MARCHF4: variants seen among roughly 807,000 people sequenced by gnomAD.
MARCHF4 encodes the protein E3 ubiquitin-protein ligase MARCHF4.
Under a neutral mutation model 43.9 loss-of-function variants are expected in MARCHF4, and 14 were observed. The observed-to-expected ratio is 0.32, with a 90% CI of 0.21 to 0.50. The LOEUF (loss-of-function observed/expected upper bound fraction) is 0.50. Ranked by LOEUF, MARCHF4 falls within the 20% of genes least tolerant of loss-of-function variation. The pLI is 0.98. For synonymous variants in MARCHF4, 226 were observed against 213.3 expected (o/e 1.06, Z -0.52); for missense variants, 468 against 536.7 (o/e 0.87, Z 1.27).
At chr2:216,272,410 G>C (rs1690953635) in intron 3 of MARCHF4, among the ~76,000 whole-genome samples, 1 of 152,152 alleles carries the variant, frequency 6.6e-6, no homozygotes, top group African/African-American at 2.4e-5. Context: ...ATTTCTGATT[G>C]TTACCAGCAG....
At chr2:216,344,558 C>T (rs1394241744) in intron 1 of MARCHF4, among the ~76,000 whole-genome samples, 1 of 152,074 alleles carries the variant, frequency 6.6e-6, no homozygotes, top group Non-Finnish European at 1.5e-5. Flanking sequence ...ATTGAGAATA[C>T]TTAATGTTCA....
intron 1 of MARCHF4, among the ~76,000 whole-genome samples, chr2:216,310,656 C>T (rs907277128): frequency 1.3e-5 from 2 of 152,216 alleles, no homozygotes; most frequent in Non-Finnish European, 2.9e-5. Flanking sequence ...TTGCTCTCTG[C>T]TGCATGATAA....
intron 2 of MARCHF4, among the ~76,000 whole-genome samples, chr2:216,282,472 C>G (rs1432439864): frequency 6.6e-6 from 1 of 152,174 alleles, no homozygotes; most frequent in South Asian, 2.1e-4. Context: ...AGGACTCCCC[C>G]CTCCACCACC....
intron 1 of MARCHF4, among the ~76,000 whole-genome samples, chr2:216,355,236 C>T (rs1235239985): frequency 2.6e-5 from 4 of 151,904 alleles, no homozygotes; most frequent in Admixed American, 1.3e-4. Flanking sequence ...CCTCCCAAAG[C>T]GCTGGGATTA....
At chr2:216,343,904 A>G (rs540576584) in intron 1 of MARCHF4, among the ~76,000 whole-genome samples, 6 of 152,332 alleles carry the variant, frequency 3.9e-5, no homozygotes, top group Non-Finnish European at 7.3e-5. Context: ...TGTAACTGCA[A>G]TTGAGGCAGG....
chr2:216,265,883 T>C (rs938522202), intron 3 of MARCHF4: 1 of 152,282 alleles, frequency 6.6e-6, no homozygotes, highest in Non-Finnish European at 1.5e-5. Flanking sequence ...ACTGGCTTAG[T>C]AGCTCTGGGC....
intron 1 of MARCHF4, among the ~76,000 whole-genome samples, chr2:216,286,161 T>G (rs767607798): frequency 2.0e-5 from 3 of 152,184 alleles, no homozygotes; most frequent in Admixed American, 2.0e-4. Flanking sequence ...CTGCTTCCCC[T>G]CCAGCGAACC....
At position 216,258,238 on chromosome 2, in the gene MARCHF4, T is replaced by G. The variant is rs140709920; in HGVS notation, c.*1074A>C. The stretch of plus-strand genomic sequence containing the variant: ...AGCAAGGAATACTTAGATTGGGCTC[T>G]ACTCCACTCCTTGGGGCACACTGGT... On this transcript the variant is annotated 3_prime_UTR_variant, in exon 4 of 4. Transcript: ENST00000273067. 1.3e-5 allele frequency: 2 copies of G among 152,354 alleles called. No individual in the cohort carries two copies. The highest frequency in any genetic ancestry group is 2.9e-5 in the Non-Finnish European group (2 of 68,198). The allele number at this position is 152,354 out of a possible 1,614,324, so 9.4% of individuals were successfully genotyped here.
At position 216,335,633 on chromosome 2, in the gene MARCHF4, C is replaced by CA. The variant is rs532510930; in HGVS notation, c.516+34111dup. 1.3e-4 allele frequency among the ~76,000 whole-genome samples: 19 copies of CA among 151,748 alleles called. No individual in the cohort carries two copies. In the East Asian group the frequency reaches 3.5e-3, roughly 28 times the overall value. On this transcript the variant is annotated intron_variant, in intron 1 of 3. Transcript: ENST00000273067. The stretch of plus-strand genomic sequence containing the variant: ...TAGTAGCAGTTTGCAGAAGAGTTGA[C>CA]AAAAAAGAGTAAACTGTTCCAGGCA...
chr2:216,361,009 A>T (rs2105984413), intron 1 of MARCHF4, among the ~76,000 whole-genome samples: 1 of 152,258 alleles, frequency 6.6e-6, no homozygotes, highest in Admixed American at 6.5e-5. Flanking sequence ...GTGGGGTTGC[A>T]GGGAGTACAT....
chr2:216,350,077 T>C (rs1291726482), intron 1 of MARCHF4, among the ~76,000 whole-genome samples: 1 of 152,024 alleles, frequency 6.6e-6, no homozygotes, highest in Admixed American at 6.6e-5. Context: ...CATAATGTGA[T>C]ACAACATGAC....
intron 1 of MARCHF4, among the ~76,000 whole-genome samples, chr2:216,328,864 C>T (rs977778783): frequency 2.0e-5 from 3 of 151,768 alleles, no homozygotes; most frequent in Non-Finnish European, 4.4e-5. Flanking sequence ...AAGGTGAAAC[C>T]CTGTCTCTAC....
At chr2:216,331,186 G>A (rs1007931404) in intron 1 of MARCHF4, among the ~76,000 whole-genome samples, 11 of 151,974 alleles carry the variant, frequency 7.2e-5, no homozygotes, top group Admixed American at 3.3e-4. Context: ...TAAATTCACC[G>A]CAAACCTTTC....
rs1006622264 is a variant in MARCHF4 at position 216,258,693 on chromosome 2, C to G, written c.*619G>C. On this transcript the variant is annotated 3_prime_UTR_variant, in exon 4 of 4. Coordinates refer to ENST00000273067, the MANE Select transcript of MARCHF4 (RefSeq NM_020814.3). ...CCTTCAGGAAGGAGACACACTCTCC[C>G]TCTGGCTGCTCACACCAGCATATCC... 19 of 152,708 alleles carry G rather than the reference C, an allele frequency of 1.2e-4. No individual in the cohort carries two copies. The highest frequency in any genetic ancestry group is 3.6e-4 in the African/African-American group (15 of 41,438). 9.5% of individuals were successfully genotyped at this position (152,708 alleles called of 1,614,324 possible).
intron 1 of MARCHF4, among the ~76,000 whole-genome samples, chr2:216,365,163 A>G (rs138119944): frequency 6.6e-6 from 1 of 152,196 alleles, no homozygotes; most frequent in African/African-American, 2.4e-5. Flanking sequence ...CCAGGTTCTC[A>G]TTGCATCTTA....
intron 1 of MARCHF4, among the ~76,000 whole-genome samples, chr2:216,325,304 T>C (rs1345730420): frequency 6.6e-6 from 1 of 152,018 alleles, no homozygotes; most frequent in Non-Finnish European, 1.5e-5. Context: ...CACTGCTCAA[T>C]GAAATAAAAG....
At chr2:216,293,832 T>G (rs1487620133) in intron 1 of MARCHF4, among the ~76,000 whole-genome samples, 1 of 133,334 alleles carries the variant, frequency 7.5e-6, no homozygotes, top group African/African-American at 2.5e-5. Context: ...TCAAACATGA[T>G]CTGCATAATA....
chr2:216,349,534 C>G (rs1692366409), intron 1 of MARCHF4, among the ~76,000 whole-genome samples: 1 of 152,194 alleles, frequency 6.6e-6, no homozygotes, highest in South Asian at 2.1e-4. Flanking sequence ...GCACTGTGTG[C>G]TGCAGAAGCA....
chr2:216,304,925 G>A (rs1031612274), intron 1 of MARCHF4, among the ~76,000 whole-genome samples: 9 of 152,212 alleles, frequency 5.9e-5, no homozygotes, highest in African/African-American at 2.2e-4. Context: ...TTGTACTCCA[G>A]TCTGGGCAAC....
Sources: gnomAD v4.1 joint callset for allele counts (sites outside exome capture counted in the v4.1 genomes callset) on GRCh38, gnomAD v4.1.1 for gene constraint, MANE v1.5 for transcripts, NCBI Gene and HGNC (gene_info 2026-07-23, HGNC 2026-07-21) for gene names.